Variants in SMOC2 observed in about 807,000 individuals in gnomAD.
The protein encoded by SMOC2 is SPARC-related modular calcium-binding protein 2.
A neutral mutation model predicts 61.4 loss-of-function variants in SMOC2; 39 were observed. That is an observed-to-expected ratio of 0.64 (90% CI 0.49 to 0.83). SMOC2 has a LOEUF of 0.83. SMOC2 is among the 40% of genes least tolerant of loss of function. The probability of loss-of-function intolerance (pLI) is 0.00; values close to 1 mark genes in which losing one functional copy is unlikely to be tolerated. For missense variants in SMOC2, 556 were observed against 592.9 expected (o/e 0.94, Z 0.65); for synonymous variants, 247 against 239.9 (o/e 1.03, Z -0.27).
At chr6:168,451,405 A>G (rs1392217719) in intron 1 of SMOC2, among the ~76,000 whole-genome samples, 2 of 152,228 alleles carry the variant, frequency 1.3e-5, no homozygotes, top group African/African-American at 4.8e-5. Context: ...CGCCTTCTCC[A>G]GAAACAGGAT....
chr6:168,518,551 TTGTG>T (rs139414569), intron 2 of SMOC2, among the ~76,000 whole-genome samples: 2 of 148,228 alleles, frequency 1.3e-5, no homozygotes, highest in African/African-American at 5.0e-5. Flanking sequence ...GTGTGTATGC[TTGTG>T]TGAGTGCATG....
At chr6:168,526,682 A>G (rs1783462385) in intron 3 of SMOC2, among the ~76,000 whole-genome samples, 1 of 152,218 alleles carries the variant, frequency 6.6e-6, no homozygotes, top group African/African-American at 2.4e-5. Context: ...GCAGGCATTT[A>G]TATCATTGCT....
chr6:168,525,841 C>T (rs964598225), intron 2 of SMOC2, among the ~76,000 whole-genome samples: 3 of 152,156 alleles, frequency 2.0e-5, no homozygotes, highest in African/African-American at 4.8e-5. Flanking sequence ...AGTCCCACCG[C>T]GTGCGTCCTG....
At chr6:168,603,786 TC>T (rs1482316392) in intron 8 of SMOC2, among the ~76,000 whole-genome samples, 1 of 151,542 alleles carries the variant, frequency 6.6e-6, no homozygotes, top group Non-Finnish European at 1.5e-5. Context: ...CAGGGGCGAC[TC>T]CCTGAAATGC....
intron 1 of SMOC2, among the ~76,000 whole-genome samples, chr6:168,501,684 G>A (rs1782732461): frequency 6.6e-6 from 1 of 152,232 alleles, no homozygotes. Flanking sequence ...AAGGCAGTGT[G>A]GCAAACAGAG....
intron 1 of SMOC2, among the ~76,000 whole-genome samples, chr6:168,495,280 C>A (rs939860851): frequency 6.6e-6 from 1 of 152,066 alleles, no homozygotes; most frequent in Non-Finnish European, 1.5e-5. Flanking sequence ...GGTCCACCCC[C>A]CTCTAACTGA....
intron 10 of SMOC2, 102 bp from the exon 11 acceptor site, chr6:168,652,852 T>A (rs1289764798): frequency 4.6e-5 from 48 of 1,050,014 alleles, no homozygotes; most frequent in Non-Finnish European, 6.6e-5. Flanking sequence ...ACCAGGACCA[T>A]GAGAACTACA....
intron 9 of SMOC2, among the ~76,000 whole-genome samples, chr6:168,633,263 G>A (rs1307796092): frequency 1.3e-5 from 2 of 152,228 alleles, no homozygotes; most frequent in Non-Finnish European, 2.9e-5. Flanking sequence ...GAAAGCTTCA[G>A]AAACTGTATC....
chr6:168,466,104 G>C (rs149760642), intron 1 of SMOC2, among the ~76,000 whole-genome samples: 4,802 of 142,082 alleles, frequency 0.034, 154 homozygotes, highest in African/African-American at 0.12. Flanking sequence ...AGCTGGAACT[G>C]GGGGGCTCTG....
chr6:168,608,067 G>A (rs1785756954), intron 8 of SMOC2, 90 bp from the exon 9 acceptor site: 1 of 1,203,880 alleles, frequency 8.3e-7, no homozygotes. Flanking sequence ...GTATGCTAGG[G>A]TAGGACACTC....
chr6:168,580,042 A>C lies in SMOC2; in HGVS notation c.638-18776A>C, dbSNP rs938030680. Among the ~76,000 whole-genome samples, 10 of 150,044 alleles carry C rather than the reference A, an allele frequency of 6.7e-5. No homozygotes were observed. In the East Asian group the frequency reaches 2.0e-3, roughly 30 times the overall value. On this transcript the variant is annotated intron_variant, in intron 7 of 12. Coordinates refer to ENST00000356284, the MANE Select transcript of SMOC2 (RefSeq NM_001166412.2). ...ATGGGACTTGGGAGGCATTCCCATC[A>C]GGGGCTCTGAGATGCGTTCCGAGAT...
intron 4 of SMOC2, among the ~76,000 whole-genome samples, chr6:168,534,963 TTTTA>T (rs553612161): frequency 2.6e-5 from 4 of 151,992 alleles, no homozygotes; most frequent in Admixed American, 2.0e-4. Flanking sequence ...GAGATTTTAT[TTTTA>T]TTTATTTATT....
chr6:168,470,667 A>C (rs879621736), intron 1 of SMOC2, among the ~76,000 whole-genome samples: 2 of 152,224 alleles, frequency 1.3e-5, no homozygotes, highest in African/African-American at 2.4e-5. Flanking sequence ...ACAGAGCAGG[A>C]CTCCATCTGA....
chr6:168,616,894 G>C (rs58811933), intron 9 of SMOC2, among the ~76,000 whole-genome samples: 1 of 152,010 alleles, frequency 6.6e-6, no homozygotes, highest in East Asian at 1.9e-4. Flanking sequence ...TGCACTGCGG[G>C]GGGGTTGCAG....
chr6:168,663,014 A>T (rs1332359645), intron 11 of SMOC2, among the ~76,000 whole-genome samples: 2 of 152,174 alleles, frequency 1.3e-5, no homozygotes, highest in Non-Finnish European at 2.9e-5. Context: ...GAGATAACGA[A>T]GTTGGATCTG....
Position 168,598,421 on chromosome 6 carries a change from C to T in SMOC2, c.638-397C>T, listed in dbSNP as rs367780822. 7.2e-5 allele frequency among the ~76,000 whole-genome samples: 11 copies of T among 152,332 alleles called. No individual in the cohort carries two copies. The South Asian group carries it at 1.4e-3, about 20-fold the overall frequency. ...AATCTCCAGCCTCAATGACACGTGGCTCGGAGCAGGGAGTGGAGAAGACTT... is the reference window on the plus strand; with the variant it reads ...AATCTCCAGCCTCAATGACACGTGGTTCGGAGCAGGGAGTGGAGAAGACTT... On this transcript the variant is annotated intron_variant, in intron 7 of 12. Coordinates refer to ENST00000356284, the MANE Select transcript of SMOC2 (RefSeq NM_001166412.2).
At chr6:168,467,136 A>AACACACAC (rs10536582) in intron 1 of SMOC2, among the ~76,000 whole-genome samples, 4,538 of 133,352 alleles carry the variant, frequency 0.034, 121 homozygotes, top group Non-Finnish European at 0.042. Context: ...AGTGCTCTCA[A>AACACACAC]ACACACACAC....
rs911949 is a variant in SMOC2 at position 168,640,221 on chromosome 6, C to T, written c.908-10460C>T. ...TTGGTGTTGTATTGTGCTTGTGTTG[C>T]GGTTGTGTTGTGGTAGTCGCTGTGT... On this transcript the variant is annotated intron_variant, in intron 9 of 12. Transcript: ENST00000356284. 6.3e-3 allele frequency among the ~76,000 whole-genome samples: 938 copies of T among 148,002 alleles called. 10 individuals are homozygous for T. The highest frequency in any genetic ancestry group is 0.023 in the African/African-American group (896 of 39,264).
chr6:168,505,430 G>A (rs1782850141), intron 1 of SMOC2, among the ~76,000 whole-genome samples: 1 of 151,374 alleles, frequency 6.6e-6, no homozygotes, highest in African/African-American at 2.4e-5. Flanking sequence ...TCTCTCAGAT[G>A]CTGGATGAAT....
Sources: allele counts gnomAD v4.1 joint callset (sites outside exome capture counted in the v4.1 genomes callset), GRCh38; gene constraint gnomAD v4.1.1; transcripts MANE v1.5; gene names NCBI Gene and HGNC (gene_info 2026-07-23, HGNC 2026-07-21).